FRMPD4: variants seen among roughly 807,000 people sequenced by gnomAD.
The protein encoded by FRMPD4 is FERM and PDZ domain containing 4, also known as FERM and PDZ domain-containing protein 4.
FRMPD4 carries 22 observed loss-of-function variants against 94.1 expected under a neutral mutation model. That is an observed-to-expected ratio of 0.23 (90% confidence interval 0.17 to 0.33). The LOEUF is 0.33. FRMPD4 is among the 10% of genes least tolerant of loss of function. The pLI is 1.00. For missense variants in FRMPD4, 1,111 were observed against 1,339.9 expected, an observed-to-expected ratio of 0.83 and a Z score of 2.67; for synonymous variants, 631 against 548.6, an observed-to-expected ratio of 1.15 and a Z score of -2.10.
At chrX:12,477,574 G>A (rs1321912834) in intron 1 of FRMPD4, among the ~76,000 whole-genome samples, 2 of 112,538 alleles carry the variant, frequency 1.8e-5, no homozygotes, top group African/African-American at 6.4e-5. Flanking sequence ...GTTTCCAGCT[G>A]TCTCATTGAA....
At chrX:12,157,983 T>C (rs971164663) in intron 1 of FRMPD4, among the ~76,000 whole-genome samples, 1 of 112,164 alleles carries the variant, frequency 8.9e-6, no homozygotes, top group Non-Finnish European at 1.9e-5. Flanking sequence ...CTTGCTCATG[T>C]GTGTGTAGAC....
intron 1 of FRMPD4, among the ~76,000 whole-genome samples, chrX:12,286,641 T>C (rs1376371533): frequency 8.9e-6 from 1 of 112,139 alleles, no homozygotes. Flanking sequence ...GTTATAGCTT[T>C]GATAAAATTG....
chrX:11,835,457 C>A (rs1310836229), intron 1 of FRMPD4, among the ~76,000 whole-genome samples: 2 of 112,017 alleles, frequency 1.8e-5, no homozygotes, highest in African/African-American at 6.5e-5. Context: ...CAGGTATGTA[C>A]ATAAATAGAG....
intron 1 of FRMPD4, among the ~76,000 whole-genome samples, chrX:12,360,079 T>A (rs2055960928): frequency 1.8e-5 from 2 of 112,650 alleles, no homozygotes; most frequent in African/African-American, 6.4e-5. Flanking sequence ...AGTTTGCTTT[T>A]GCTTTTATGT....
At chrX:12,287,182 T>C (rs760845435) in intron 1 of FRMPD4, among the ~76,000 whole-genome samples, 366 of 111,521 alleles carry the variant, frequency 3.3e-3, no homozygotes, top group African/African-American at 0.011. Context: ...GTGTTGGAGG[T>C]AGATGGTTTG....
chrX:12,372,404 T>A (rs1206371180), intron 1 of FRMPD4, among the ~76,000 whole-genome samples: 3 of 112,817 alleles, frequency 2.7e-5, no homozygotes, highest in African/African-American at 9.7e-5. Flanking sequence ...AGGCCAGGTA[T>A]GGGTATTTTT....
chrX:12,157,707 A>T (rs2055956997), intron 1 of FRMPD4, among the ~76,000 whole-genome samples: 1 of 111,753 alleles, frequency 8.9e-6, no homozygotes, highest in African/African-American at 3.3e-5. Flanking sequence ...TTTTTTCTTA[A>T]TTTATTCCAA....
At chrX:12,372,657 CAG>C (rs1389133770) in intron 1 of FRMPD4, among the ~76,000 whole-genome samples, 1 of 112,767 alleles carries the variant, frequency 8.9e-6, no homozygotes, top group Non-Finnish European at 1.9e-5. Context: ...GTTCTCTGAG[CAG>C]AGTGTGTCGA....
intron 1 of FRMPD4, among the ~76,000 whole-genome samples, chrX:12,244,967 G>A (rs138303857): frequency 1.7e-3 from 189 of 112,658 alleles, no homozygotes; most frequent in African/African-American, 4.9e-3. Context: ...GCACTGTGAG[G>A]GGCGTAAAGT....
At chrX:12,473,201 A>T (rs1410760778) in intron 1 of FRMPD4, among the ~76,000 whole-genome samples, 1 of 108,916 alleles carries the variant, frequency 9.2e-6, no homozygotes, top group East Asian at 2.8e-4. Flanking sequence ...GAATTTCATA[A>T]CCAGCCAAGC....
chrX:11,994,128 G>A lies in FRMPD4; in HGVS notation c.95+116110G>A, dbSNP rs372104643. Among the ~76,000 whole-genome samples, 4 of 110,470 alleles carry A rather than the reference G, an allele frequency of 3.6e-5. No individual in the cohort carries two copies. In the East Asian group the frequency reaches 8.6e-4, roughly 24 times the overall value. ...GGATTTTTTGTTTTCACAATTGCACGAAGGGGTGCAATTGGCATCTAGTGG... is the reference window on the plus strand; with the variant it reads ...GGATTTTTTGTTTTCACAATTGCACAAAGGGGTGCAATTGGCATCTAGTGG... On this transcript the variant is annotated intron_variant, in intron 3 of 18. Coordinates refer to the FRMPD4 transcript ENST00000640291.
chrX:11,852,442 CAAAAAAA>C (rs374590200), intron 1 of FRMPD4, among the ~76,000 whole-genome samples: 1 of 52,640 alleles, frequency 1.9e-5, no homozygotes, highest in Non-Finnish European at 3.6e-5. Flanking sequence ...ACCCTGTCTC[CAAAAAAA>C]AAAAAAAAAA....
intron 1 of FRMPD4, among the ~76,000 whole-genome samples, chrX:12,462,832 T>A (rs1205706853): frequency 3.6e-5 from 4 of 110,706 alleles, no homozygotes; most frequent in Middle Eastern, 4.2e-3. Flanking sequence ...GTACAAAAAA[T>A]TTTAAAAATT....
rs760446485 is a variant in FRMPD4 at position 12,679,681 on chromosome X, A to G, written c.469-3802A>G. On this transcript the variant is annotated intron_variant, in intron 5 of 16. Coordinates refer to ENST00000675598, the MANE Select transcript of FRMPD4 (RefSeq NM_001368397.1). The stretch of plus-strand genomic sequence containing the variant: ...AACTTACAATACAAGGAGACACTCC[A>G]TCAATGATTGACAGAAACTGGTGGA... Among the ~76,000 whole-genome samples the G allele has an allele frequency of 8.9e-5, 10 of 111,826 alleles. No individual in the cohort carries two copies. The East Asian group carries it at 2.8e-3, about 31-fold the overall frequency.
chrX:12,711,130 G>A (rs2041978038), intron 14 of FRMPD4, among the ~76,000 whole-genome samples: 1 of 111,225 alleles, frequency 9.0e-6, no homozygotes, highest in African/African-American at 3.3e-5. Context: ...TCTATGGCTG[G>A]GTTTTCATGG....
chrX:12,320,850 A>C (rs1220876304), intron 1 of FRMPD4, among the ~76,000 whole-genome samples: 2 of 111,938 alleles, frequency 1.8e-5, no homozygotes, highest in Admixed American at 1.9e-4. Flanking sequence ...AATAACTAAA[A>C]ACTGAAAAAA....
chrX:11,883,529 T>C (rs2053826009), intron 3 of FRMPD4, among the ~76,000 whole-genome samples: 1 of 111,354 alleles, frequency 9.0e-6, no homozygotes, highest in South Asian at 3.8e-4. Flanking sequence ...GGATGGAAAA[T>C]AAATAGTAGA....
At chrX:12,710,628 C>T in intron 14 of FRMPD4, 91 bp downstream of exon 14, 1 of 879,992 alleles carries the variant, frequency 1.1e-6, no homozygotes, top group Admixed American at 2.6e-5. Flanking sequence ...AAAGTTAAGG[C>T]CAGGCGCGGT....
intron 4 of FRMPD4, among the ~76,000 whole-genome samples, chrX:12,670,755 A>C (rs1670644193): frequency 8.9e-6 from 1 of 112,253 alleles, no homozygotes; most frequent in African/African-American, 3.2e-5. Context: ...GATTAAACTA[A>C]AGAGCTTCTG....
Sources: gnomAD v4.1 joint callset for allele counts (sites outside exome capture counted in the v4.1 genomes callset) on GRCh38, gnomAD v4.1.1 for gene constraint, MANE v1.5 for transcripts, NCBI Gene and HGNC (gene_info 2026-07-23, HGNC 2026-07-21) for gene names.